PCDHA7: variants seen among roughly 807,000 people sequenced by gnomAD.
PCDHA7 encodes protocadherin alpha 7.
A neutral mutation model predicts 57.2 loss-of-function variants in PCDHA7; 37 were observed. The ratio of observed to expected loss-of-function variants is 0.65; its 90% confidence interval spans 0.50 to 0.85. The LOEUF (loss-of-function observed/expected upper bound fraction) is 0.85, where lower values mean the gene tolerates loss of function less well. PCDHA7 is among the 40% of genes least tolerant of loss of function. PCDHA7 has a pLI of 0.00. For missense variants in PCDHA7, 1,188 were observed against 1,241.8 expected, an observed-to-expected ratio of 0.96 and a Z score of 0.65; for synonymous variants, 553 against 558.8, an observed-to-expected ratio of 0.99 and a Z score of 0.15.
chr5:140,959,646 G>A (rs1222418847), intron 1 of PCDHA7, among the ~76,000 whole-genome samples: 5 of 152,010 alleles, frequency 3.3e-5, no homozygotes, highest in Admixed American at 6.6e-5. Context: ...AAACACAGAA[G>A]CAAAATTGAA....
intron 1 of PCDHA7, chr5:140,857,146 CGTCATTGCCCT>C: frequency 6.3e-7 from 1 of 1,598,132 alleles, no homozygotes; most frequent in Non-Finnish European, 8.6e-7. Context: ...AAGTGGGCAC[CGTCATTGCCCT>C]AATCAGCGTT....
chr5:140,906,999 G>C (rs187849442), intron 1 of PCDHA7, among the ~76,000 whole-genome samples: 1 of 152,088 alleles, frequency 6.6e-6, no homozygotes, highest in Non-Finnish European at 1.5e-5. Flanking sequence ...TCCTCCCTCT[G>C]GAACTAAGAC....
chr5:140,915,606 C>A (rs2077190807), intron 1 of PCDHA7, among the ~76,000 whole-genome samples: 1 of 150,452 alleles, frequency 6.6e-6, no homozygotes, highest in African/African-American at 2.5e-5. Context: ...CCCTTACTTT[C>A]TGTCAAACAG....
intron 3 of PCDHA7, among the ~76,000 whole-genome samples, chr5:140,997,728 A>G (rs1376007377): frequency 6.6e-6 from 1 of 152,030 alleles, no homozygotes; most frequent in Non-Finnish European, 1.5e-5. Flanking sequence ...ACGTCAGTAC[A>G]TATAGATTTG....
intron 1 of PCDHA7, among the ~76,000 whole-genome samples, chr5:140,840,016 A>G (rs1410068719): frequency 2.6e-5 from 4 of 152,124 alleles, no homozygotes; most frequent in African/African-American, 7.2e-5. Context: ...AGATTGGCTC[A>G]TGGTCACGTA....
chr5:140,906,846 G>T (rs2072987315), intron 1 of PCDHA7, among the ~76,000 whole-genome samples: 1 of 152,186 alleles, frequency 6.6e-6, no homozygotes, highest in Non-Finnish European at 1.5e-5. Context: ...CATCTTGAGA[G>T]TCTGGGTCAG....
At chr5:141,005,930 G>C (rs1179599253) in intron 3 of PCDHA7, among the ~76,000 whole-genome samples, 1 of 151,958 alleles carries the variant, frequency 6.6e-6, no homozygotes, top group African/African-American at 2.4e-5. Context: ...CTGGTTGACA[G>C]AGTGAGAACC....
intron 1 of PCDHA7, chr5:140,967,908 A>T (rs554849478): frequency 6.2e-7 from 1 of 1,614,138 alleles, no homozygotes; most frequent in Non-Finnish European, 8.5e-7. Context: ...GCTACACCCA[A>T]CACCATTGTG....
chr5:140,843,274 G>A, intron 1 of PCDHA7: 6 of 1,596,094 alleles, frequency 3.8e-6, no homozygotes, highest in Non-Finnish European at 5.1e-6. Flanking sequence ...TGGTCCTGGT[G>A]AAGGATCATG....
In PCDHA7 at chr5:140,851,118, T is replaced by C. The variant is rs1554145256; in HGVS notation, c.2355+14380T>C. Reference sequence around the variant, plus strand: ...TATTTTTTGGGTGCTGAATCAATTTTATTTAAATTTGTGATTAAAGTGACA... The same window carrying C: ...TATTTTTTGGGTGCTGAATCAATTTCATTTAAATTTGTGATTAAAGTGACA... On this transcript the variant is annotated intron_variant, in intron 1 of 3. Transcript: ENST00000525929. 5 of 1,307,406 alleles carry C rather than the reference T, an allele frequency of 3.8e-6. No individual in the cohort carries two copies. The East Asian group carries it at 1.3e-4, about 35-fold the overall frequency. The allele number at this position is 1,307,406 out of a possible 1,614,324, so 81.0% of individuals were successfully genotyped here.
rs528939441 is a variant in PCDHA7 at position 140,858,900 on chromosome 5, G to C, written c.2355+22162G>C. ...CCTCCATGTGTAGAATATGTGTAGCGTACCACAGCTTATACTGCCATAGTA... is the reference window on the plus strand; with the variant it reads ...CCTCCATGTGTAGAATATGTGTAGCCTACCACAGCTTATACTGCCATAGTA... On this transcript the variant is annotated intron_variant, in intron 1 of 3. Transcript: ENST00000525929. 2 of 203,044 alleles carry C rather than the reference G, an allele frequency of 9.9e-6. 1 individual carries two copies. Among genetic ancestry groups the C allele is most frequent in the African/African-American group, 4.8e-5 (2 of 41,680 alleles). 12.6% of individuals were successfully genotyped at this position (203,044 alleles called of 1,614,324 possible). A position where few individuals can be genotyped will look rare whatever the true frequency, so the allele number is the denominator to read the frequency against.
chr5:141,006,535 G>A (rs1473022946), intron 3 of PCDHA7, among the ~76,000 whole-genome samples: 1 of 152,118 alleles, frequency 6.6e-6, no homozygotes, highest in Non-Finnish European at 1.5e-5. Context: ...TTTTTAAAGA[G>A]AGACATTAAG....
intron 1 of PCDHA7, chr5:140,843,598 C>T: frequency 6.3e-7 from 1 of 1,595,942 alleles, no homozygotes. Flanking sequence ...AGAGGGTGTG[C>T]TCTGGTGAGG....
At chr5:141,005,113 G>A (rs2098197843) in intron 3 of PCDHA7, among the ~76,000 whole-genome samples, 1 of 152,184 alleles carries the variant, frequency 6.6e-6, no homozygotes, top group South Asian at 2.1e-4. Flanking sequence ...ATTGTCTTTA[G>A]GGACCCCAAA....
At position 140,883,268 on chromosome 5, in the gene PCDHA7, T is replaced by C. The variant is rs782069573; in HGVS notation, c.2355+46530T>C. 3 of 1,613,912 alleles carry C rather than the reference T, an allele frequency of 1.9e-6. No homozygotes were observed. The African/African-American group carries it at 4.0e-5, about 22-fold the overall frequency. On this transcript the variant is annotated intron_variant, in intron 1 of 3. Coordinates refer to ENST00000525929, the MANE Select transcript of PCDHA7 (RefSeq NM_018910.3). ...AGGAAATATTCCAATGGCGGGTCAT[T>C]GTACCCTTTTGGTGGAAGTACTAGA...
At position 140,942,589 on chromosome 5, in the gene PCDHA7, T is replaced by A. The variant is rs1444015331; in HGVS notation, c.2356-36360T>A. On this transcript the variant is annotated intron_variant, in intron 1 of 3. Coordinates refer to ENST00000525929, the MANE Select transcript of PCDHA7 (RefSeq NM_018910.3). ...AAATCTTCCCATATAGGATGTCACA[T>A]ATAATTATAGTGTTTATATTTGCCA... Among the ~76,000 whole-genome samples, 4 of 148,934 alleles carry A rather than the reference T, an allele frequency of 2.7e-5. No homozygotes were observed. In the Admixed American group the frequency reaches 2.7e-4, roughly 10 times the overall value.
At chr5:140,951,589 C>A (rs2094605772) in intron 1 of PCDHA7, among the ~76,000 whole-genome samples, 1 of 152,088 alleles carries the variant, frequency 6.6e-6, no homozygotes, top group Admixed American at 6.5e-5. Flanking sequence ...TTCACGAGAT[C>A]TCTCTCACTG....
At position 140,835,699 on chromosome 5, in the gene PCDHA7, C is replaced by T; in HGVS notation, c.1316C>T (p.Ala439Val). Residue 439 changes from alanine to valine, a missense_variant, in exon 1 of 4, where the codon GCT becomes GTT. Physicochemically the swap from Ala to Val is moderately conservative, Grantham distance 64 (BLOSUM62 0). Coordinates refer to ENST00000525929, the MANE Select transcript of PCDHA7 (RefSeq NM_018910.3). ...GGCTCGCCTTCTCTGTGGGCCACTG[C>T]TAGCGTGTCCGTGGAGGTGGCCGAC... ...DGGSPSLWAT[A>V]SVSVEVADVN... 1.9e-6 allele frequency: 3 copies of T among 1,613,916 alleles called. No homozygotes were observed. The highest frequency in any genetic ancestry group is 2.7e-5 in the African/African-American group (2 of 75,062).
chr5:140,929,437 A>G (rs533186503), intron 1 of PCDHA7: 1 of 1,453,986 alleles, frequency 6.9e-7, no homozygotes, highest in Non-Finnish European at 9.2e-7. Context: ...TGAACTAAAC[A>G]CTCCTTCTTA....
Sources: allele counts gnomAD v4.1 joint callset (sites outside exome capture counted in the v4.1 genomes callset), GRCh38; gene constraint gnomAD v4.1.1; transcripts MANE v1.5; gene names NCBI Gene and HGNC (gene_info 2026-07-23, HGNC 2026-07-21).